Variants in PSMA8 observed in about 807,000 individuals in gnomAD.
The protein encoded by PSMA8 is proteasome 20S subunit alpha 8.
PSMA8 carries 18 observed loss-of-function variants against 32.4 expected under a neutral mutation model. The ratio of observed to expected loss-of-function variants is 0.56; its 90% CI spans 0.38 to 0.82. The LOEUF (loss-of-function observed/expected upper bound fraction) is 0.82, where lower values mean the gene tolerates loss of function less well. Among genes scored for constraint, PSMA8 ranks in the 40% least tolerant of loss-of-function variants. PSMA8 has a pLI of 0.00. For missense variants in PSMA8, 298 were observed against 300.7 expected (o/e 0.99, Z 0.07); for synonymous variants, 104 against 98.1 (o/e 1.06, Z -0.36).
chr18:26,146,400 C>T (rs1376979418), intron 2 of PSMA8, among the ~76,000 whole-genome samples: 4 of 152,040 alleles, frequency 2.6e-5, no homozygotes, highest in African/African-American at 9.7e-5. Flanking sequence ...TTCAGAAAAA[C>T]AAAAATGCCT....
intron 1 of PSMA8, among the ~76,000 whole-genome samples, chr18:26,143,867 G>T (rs1260300322): frequency 6.6e-6 from 1 of 151,976 alleles, no homozygotes; most frequent in Non-Finnish European, 1.5e-5. Flanking sequence ...GACTACAGGT[G>T]CCTGCCACTA....
At chr18:26,179,743 T>TA (rs1163916780) in intron 6 of PSMA8, among the ~76,000 whole-genome samples, 1 of 151,980 alleles carries the variant, frequency 6.6e-6, no homozygotes, top group Non-Finnish European at 1.5e-5. Flanking sequence ...GCTGAGATTG[T>TA]AAAAAAGCAC....
chr18:26,136,939 A>G (rs4800718), intron 1 of PSMA8, among the ~76,000 whole-genome samples: 16,017 of 152,222 alleles, frequency 0.11, 1,368 homozygotes, highest in African/African-American at 0.21. Flanking sequence ...AAGCATTTAT[A>G]GCTTGCTGAA....
rs28533098 is a variant in PSMA8, at chr18:26,177,832, T to C, written c.478-998T>C. Among the ~76,000 whole-genome samples the C allele has an allele frequency of 5.0e-3, 764 of 152,230 alleles. 1 individual carries two copies. Among genetic ancestry groups the C allele is most frequent in the African/African-American group, 0.012 (485 of 41,492 alleles). ...TTTCTTCATGTTGATGTCATTTTTT[T>C]CCCCTCTCTTTGCTTTCTTCTTTTT... is the stretch of plus-strand genomic sequence containing the variant. On this transcript the variant is annotated intron_variant, in intron 4 of 6. Transcript: ENST00000415576.
At chr18:26,143,053 A>G (rs1173701650) in intron 1 of PSMA8, among the ~76,000 whole-genome samples, 1 of 152,232 alleles carries the variant, frequency 6.6e-6, no homozygotes, top group African/African-American at 2.4e-5. Context: ...TGCCGCCTTT[A>G]TAAAGAATCC....
intron 2 of PSMA8, among the ~76,000 whole-genome samples, chr18:26,151,150 G>C (rs16942166): frequency 0.05 from 7,681 of 152,216 alleles, 577 homozygotes; most frequent in African/African-American, 0.16. Context: ...TGGTGTGGAA[G>C]GGAAACAAGA....
At chr18:26,184,807 C>G (rs1229684483) in intron 6 of PSMA8, among the ~76,000 whole-genome samples, 5 of 147,024 alleles carry the variant, frequency 3.4e-5, no homozygotes, top group African/African-American at 1.0e-4. Context: ...TTTTTGGCAG[C>G]CGGGCACAGT....
In PSMA8 at chr18:26,133,874, C is replaced by A; in HGVS notation, c.-92C>A. The A allele has an allele frequency of 9.0e-7, 1 of 1,117,212 alleles. No individual in the cohort carries two copies. Among genetic ancestry groups the A allele is most frequent in the Non-Finnish European group, 1.3e-6 (1 of 748,264 alleles). 69.2% of individuals were successfully genotyped at this position (1,117,212 alleles called of 1,614,324 possible). ...CTTGAGGCGCGTGTGGAAGCGCTTCCGGGCGGTAGCACGCTGTGTTGGCGG... is the reference window on the plus strand; with the variant it reads ...CTTGAGGCGCGTGTGGAAGCGCTTCAGGGCGGTAGCACGCTGTGTTGGCGG... On this transcript the variant is annotated 5_prime_UTR_variant, in exon 1 of 7. Coordinates refer to ENST00000415576, the MANE Select transcript of PSMA8 (RefSeq NM_001025096.2).
At chr18:26,140,759 C>G (rs1401787732) in intron 1 of PSMA8, among the ~76,000 whole-genome samples, 2 of 152,190 alleles carry the variant, frequency 1.3e-5, no homozygotes, top group Non-Finnish European at 2.9e-5. Context: ...TCATCTGCAT[C>G]ATAGAATAAT....
At chr18:26,181,935 A>C (rs2055315280) in intron 6 of PSMA8, among the ~76,000 whole-genome samples, 1 of 152,232 alleles carries the variant, frequency 6.6e-6, no homozygotes, top group Admixed American at 6.5e-5. Context: ...AAAAAAAAAA[A>C]AAAACCAGTC....
intron 4 of PSMA8, among the ~76,000 whole-genome samples, chr18:26,172,376 G>C (rs1331142992): frequency 6.6e-6 from 1 of 152,146 alleles, no homozygotes; most frequent in Non-Finnish European, 1.5e-5. Flanking sequence ...GCATAAACTA[G>C]AAATAGACTG....
At chr18:26,148,759 A>G (rs2055023399) in intron 2 of PSMA8, among the ~76,000 whole-genome samples, 1 of 152,216 alleles carries the variant, frequency 6.6e-6, no homozygotes, top group Admixed American at 6.5e-5. Context: ...TATATAGAAT[A>G]CTAAAGATTC....
Position 26,189,690 on chromosome 18 carries a change from TTGG to T in PSMA8, c.661-2625_661-2623del, listed in dbSNP as rs1279131396. Among the ~76,000 whole-genome samples, 12 of 152,226 alleles carry T rather than the reference TTGG, an allele frequency of 7.9e-5. No homozygotes were observed. The East Asian group carries it at 2.3e-3, about 29-fold the overall frequency. ...GAGAAAAGGGAACCCTCATACACTG[TTGG>T]TGGGAATGTAAATTAGTACAACCAC... On this transcript the variant is annotated intron_variant, in intron 6 of 6. Transcript: ENST00000415576.
At chr18:26,136,494 A>G (rs2054912397) in intron 1 of PSMA8, among the ~76,000 whole-genome samples, 1 of 152,210 alleles carries the variant, frequency 6.6e-6, no homozygotes, top group African/African-American at 2.4e-5. Context: ...GTTTCTGCCT[A>G]CAGAAAGGGG....
intron 6 of PSMA8, among the ~76,000 whole-genome samples, chr18:26,182,812 T>G (rs1476831498): frequency 1.3e-5 from 2 of 152,038 alleles, no homozygotes; most frequent in Non-Finnish European, 1.5e-5. Context: ...CAACATTGGC[T>G]GGGCACGGTA....
chr18:26,133,898 G>T lies in PSMA8; in HGVS notation c.-68G>T, dbSNP rs2054886299. ...CCGGGCGGTAGCACGCTGTGTTGGCGGCGGCTCCCCGCTTGCCTCAGCTGC... is the reference window on the plus strand; with the variant it reads ...CCGGGCGGTAGCACGCTGTGTTGGCTGCGGCTCCCCGCTTGCCTCAGCTGC... On this transcript the variant is annotated 5_prime_UTR_variant, in exon 1 of 7. Coordinates refer to ENST00000415576, the MANE Select transcript of PSMA8 (RefSeq NM_001025096.2). The T allele has an allele frequency of 7.3e-7, 1 of 1,371,754 alleles. No individual in the cohort carries two copies. The allele number at this position is 1,371,754 out of a possible 1,614,324, so 85.0% of individuals were successfully genotyped here. A position where few individuals can be genotyped will look rare whatever the true frequency, so the allele number is the denominator to read the frequency against.
intron 4 of PSMA8, among the ~76,000 whole-genome samples, chr18:26,169,830 G>C (rs1408461600): frequency 8.4e-6 from 1 of 119,128 alleles, no homozygotes; most frequent in Non-Finnish European, 1.6e-5. Context: ...TGGGCAACAA[G>C]AGCGAAACGC....
chr18:26,153,052 A>G (rs2055059210), intron 3 of PSMA8, among the ~76,000 whole-genome samples: 2 of 152,230 alleles, frequency 1.3e-5, no homozygotes, highest in South Asian at 4.1e-4. Flanking sequence ...CTGATCAGAT[A>G]TGATTTCTCC....
chr18:26,136,248 G>GCATT (rs2054910729), intron 1 of PSMA8, among the ~76,000 whole-genome samples: 1 of 152,052 alleles, frequency 6.6e-6, no homozygotes, highest in South Asian at 2.1e-4. Context: ...ATAACATTTT[G>GCATT]GAGAAGTAAT....
Sources: allele counts gnomAD v4.1 joint callset (sites outside exome capture counted in the v4.1 genomes callset), GRCh38; gene constraint gnomAD v4.1.1; transcripts MANE v1.5; gene names NCBI Gene and HGNC (gene_info 2026-07-23, HGNC 2026-07-21).